OXSR1: variants seen among roughly 807,000 people sequenced by gnomAD.
The protein encoded by OXSR1 is oxidative stress responsive kinase 1.
In OXSR1, 24 loss-of-function variants were observed where a neutral mutation model predicts 79.8. That is an observed-to-expected ratio of 0.30 (90% CI 0.22 to 0.42). OXSR1 has a LOEUF of 0.42. Ranked by LOEUF, OXSR1 falls within the 10% of genes least tolerant of loss-of-function variation. OXSR1 has a pLI of 1.00. For missense variants in OXSR1, 430 were observed against 618.4 expected (o/e 0.70, Z 3.23); for synonymous variants, 226 against 209.2 (o/e 1.08, Z -0.69).
chr3:38,242,887 C>T, intron 12 of OXSR1, 109 bp downstream of exon 12: 1 of 537,618 alleles, frequency 1.9e-6, no homozygotes, highest in Non-Finnish European at 3.3e-6. Flanking sequence ...GGGAATGCAA[C>T]TTTATACCAA....
intron 4 of OXSR1, among the ~76,000 whole-genome samples, chr3:38,202,363 G>A (rs1361440375): frequency 1.3e-5 from 2 of 152,136 alleles, no homozygotes; most frequent in African/African-American, 4.8e-5. Flanking sequence ...AAGCTGGATG[G>A]CATGAGTTTG....
intron 4 of OXSR1, among the ~76,000 whole-genome samples, chr3:38,201,983 G>A (rs1350346442): frequency 3.3e-5 from 5 of 152,222 alleles, no homozygotes; most frequent in Admixed American, 3.3e-4. Flanking sequence ...GAGGGAGTCA[G>A]GTTATTAGAG....
Position 38,165,962 on chromosome 3 carries a change from G to T in OXSR1, c.70+16G>T, listed in dbSNP as rs758736677. ...GAGGTGATCGGTGAGAGCAGGCGCT[G>T]CGGAGGGGGGAGGCGCGGCGCTGGG... On this transcript the variant is annotated intron_variant, in intron 1 of 17. Coordinates refer to ENST00000311806, the MANE Select transcript of OXSR1 (RefSeq NM_005109.3). 1 of 1,606,690 alleles carries T rather than the reference G, an allele frequency of 6.2e-7. No individual in the cohort carries two copies. Among genetic ancestry groups the T allele is most frequent in the Non-Finnish European group, 8.5e-7 (1 of 1,176,670 alleles).
intron 4 of OXSR1, 111 bp from the exon 5 acceptor site, chr3:38,215,985 G>A (rs1344811250): frequency 7.3e-6 from 5 of 688,642 alleles, no homozygotes; most frequent in Non-Finnish European, 1.3e-5. Context: ...ATATAAAATA[G>A]GACATTTAAA....
chr3:38,217,909 A>G (rs1435806340), intron 5 of OXSR1, among the ~76,000 whole-genome samples: 1 of 152,050 alleles, frequency 6.6e-6, no homozygotes, highest in African/African-American at 2.4e-5. Context: ...ATTTTGTATA[A>G]TGTCTTTAAG....
At chr3:38,217,977 G>A (rs1042333136) in intron 5 of OXSR1, among the ~76,000 whole-genome samples, 1 of 152,094 alleles carries the variant, frequency 6.6e-6, no homozygotes, top group East Asian at 1.9e-4. Context: ...TAATTCCATT[G>A]TATTTACGTG....
intron 1 of OXSR1, among the ~76,000 whole-genome samples, chr3:38,169,596 C>T (rs371072420): frequency 1.0e-3 from 152 of 151,562 alleles, no homozygotes; most frequent in African/African-American, 3.5e-3. Context: ...TGAGCCACTG[C>T]GCCTGGCTGT....
At chr3:38,168,043 A>G (rs928049651) in intron 1 of OXSR1, among the ~76,000 whole-genome samples, 1 of 152,196 alleles carries the variant, frequency 6.6e-6, no homozygotes, top group Non-Finnish European at 1.5e-5. Context: ...TGGTGTCCTC[A>G]GACCCATAGG....
chr3:38,195,863 A>G (rs1702064733), intron 3 of OXSR1, among the ~76,000 whole-genome samples: 1 of 152,226 alleles, frequency 6.6e-6, no homozygotes, highest in South Asian at 2.1e-4. Context: ...GGAATAGATG[A>G]TCTACATTTA....
At chr3:38,210,901 C>T (rs1702373295) in intron 4 of OXSR1, among the ~76,000 whole-genome samples, 1 of 152,154 alleles carries the variant, frequency 6.6e-6, no homozygotes, top group Non-Finnish European at 1.5e-5. Flanking sequence ...ATGTCCAAAG[C>T]TTTTCCTGTA....
intron 4 of OXSR1, among the ~76,000 whole-genome samples, chr3:38,212,006 G>C (rs1011049051): frequency 6.6e-6 from 1 of 152,192 alleles, no homozygotes; most frequent in Non-Finnish European, 1.5e-5. Flanking sequence ...TAGACTTTCA[G>C]CCTGGGCTGC....
chr3:38,252,735 C>T lies in OXSR1; in HGVS notation c.1510-82C>T, dbSNP rs1249487838. On this transcript the variant is annotated intron_variant, in intron 17 of 17. Transcript: ENST00000311806. ...GACCTGTTGCCCACTGCCTACCTTC[C>T]CACTATCCCATGTCTGTTTTATTTG... 12 of 1,097,838 alleles carry T rather than the reference C, an allele frequency of 1.1e-5. No homozygotes were observed. The Admixed American group carries it at 2.1e-4, about 19-fold the overall frequency. The allele number at this position is 1,097,838 out of a possible 1,614,324, so 68.0% of individuals were successfully genotyped here. A position where few individuals can be genotyped will look rare whatever the true frequency, so the allele number is the denominator to read the frequency against.
intron 4 of OXSR1, among the ~76,000 whole-genome samples, chr3:38,203,940 C>T (rs951515820): frequency 9.9e-5 from 15 of 152,206 alleles, no homozygotes; most frequent in African/African-American, 3.6e-4. Context: ...TTTACCCCAC[C>T]CTGGGTGGGT....
At chr3:38,186,518 A>G (rs991310240) in intron 2 of OXSR1, among the ~76,000 whole-genome samples, 3 of 152,196 alleles carry the variant, frequency 2.0e-5, no homozygotes, top group Non-Finnish European at 4.4e-5. Flanking sequence ...GTCTGTCTGC[A>G]TAGATTTGCC....
intron 5 of OXSR1, among the ~76,000 whole-genome samples, chr3:38,219,380 A>G (rs902745242): frequency 2.0e-5 from 3 of 152,220 alleles, no homozygotes; most frequent in Non-Finnish European, 2.9e-5. Context: ...AATATGTTGT[A>G]TATACATAAG....
At chr3:38,200,580 C>A (rs967715138) in intron 4 of OXSR1, among the ~76,000 whole-genome samples, 9 of 152,082 alleles carry the variant, frequency 5.9e-5, no homozygotes, top group Admixed American at 4.6e-4. Flanking sequence ...GAAGCGTAAA[C>A]CTACACCATT....
chr3:38,196,317 A>G (rs989464073), intron 3 of OXSR1, among the ~76,000 whole-genome samples: 5 of 151,976 alleles, frequency 3.3e-5, no homozygotes, highest in African/African-American at 4.8e-5. Flanking sequence ...TATAATTTTG[A>G]TATTTGAGGA....
At chr3:38,177,734 A>G (rs1013850974) in intron 1 of OXSR1, among the ~76,000 whole-genome samples, 5 of 151,706 alleles carry the variant, frequency 3.3e-5, no homozygotes, top group African/African-American at 4.8e-5. Context: ...ACAGGTGTGC[A>G]CCACCATGCC....
intron 1 of OXSR1, among the ~76,000 whole-genome samples, chr3:38,173,498 A>G (rs1701621798): frequency 6.6e-6 from 1 of 152,230 alleles, no homozygotes; most frequent in Non-Finnish European, 1.5e-5. Context: ...ATTGTCTTGT[A>G]AGACCATGAA....
Sources: gnomAD v4.1 joint callset for allele counts (sites outside exome capture counted in the v4.1 genomes callset) on GRCh38, gnomAD v4.1.1 for gene constraint, MANE v1.5 for transcripts, NCBI Gene and HGNC (gene_info 2026-07-23, HGNC 2026-07-21) for gene names.